HIF3A: variants seen among roughly 807,000 people sequenced by gnomAD.
HIF3A encodes hypoxia-inducible factor 3-alpha.
In HIF3A, 41 loss-of-function variants were observed where a neutral mutation model predicts 67.2. The ratio of observed to expected loss-of-function variants is 0.61; its 90% CI spans 0.48 to 0.79. The LOEUF is 0.79. HIF3A is among the 30% of genes least tolerant of loss of function. HIF3A has a pLI of 0.00. For synonymous variants in HIF3A, 356 were observed against 374.8 expected (o/e 0.95, Z 0.58); for missense variants, 855 against 898.0 (o/e 0.95, Z 0.61).
At chr19:46,308,146 G>A in intron 3 of HIF3A, 75 bp from the exon 4 acceptor site, 1 of 916,462 alleles carries the variant, frequency 1.1e-6, no homozygotes, top group South Asian at 1.3e-5. Context: ...ATGAATTGGA[G>A]CAGGGGAATG....
chr19:46,329,825 G>T (rs193255125), intron 12 of HIF3A, among the ~76,000 whole-genome samples: 1 of 152,018 alleles, frequency 6.6e-6, no homozygotes, highest in Admixed American at 6.6e-5. Context: ...GCCGGGTGTG[G>T]TGGTGCATGC....
chr19:46,298,496 A>C lies in HIF3A; in HGVS notation c.26+1394A>C. 1.6e-6 allele frequency: 2 copies of C among 1,284,190 alleles called. 1 individual carries two copies. The highest frequency in any genetic ancestry group is 2.5e-5 in the South Asian group (2 of 80,392). The allele number at this position is 1,284,190 out of a possible 1,614,324, so 79.5% of individuals were successfully genotyped here. A position where few individuals can be genotyped will look rare whatever the true frequency, so the allele number is the denominator to read the frequency against. ...GCACCCCCTGGATGGCCCTTCAGCC[A>C]ACGGGGGCCTGGGCGATGGTGAGTG... On this transcript the variant is annotated intron_variant, in intron 1 of 14. Transcript: ENST00000377670.
intron 1 of HIF3A, among the ~76,000 whole-genome samples, chr19:46,298,852 C>A (rs536240131): frequency 1.3e-5 from 2 of 152,034 alleles, no homozygotes; most frequent in African/African-American, 2.4e-5. Flanking sequence ...CAACCTAAAC[C>A]CCCACCCACC....
Position 46,304,042 on chromosome 19 carries a change from GCGCCTCACCAT to G in HIF3A, c.173_183del (p.Arg58GlnfsTer70). 3 of 1,587,920 alleles carry G rather than the reference GCGCCTCACCAT, an allele frequency of 1.9e-6. No homozygotes were observed. Among genetic ancestry groups the G allele is most frequent in the South Asian group, 2.3e-5 (2 of 87,356 alleles). On this transcript the variant is annotated frameshift_variant, in exon 2 of 15. Coordinates refer to ENST00000377670, the MANE Select transcript of HIF3A (RefSeq NM_152795.4). LOFTEE classifies it high-confidence loss of function. ...CCCACCTGGACAAGGCCTCTATCAT[GCGCCTCACCAT>G]CAGCTACCTGCGCATGCACCGCCTC... is the stretch of plus-strand genomic sequence containing the variant.
intron 2 of HIF3A, 185 bp downstream of exon 2, chr19:46,304,273 G>A: frequency 1.7e-6 from 1 of 598,476 alleles, no homozygotes; most frequent in South Asian, 2.0e-5. Flanking sequence ...CGCCCCCTTT[G>A]AGTTCCTGGC....
intron 5 of HIF3A, 40 bp from the exon 6 acceptor site, chr19:46,309,111 C>G: frequency 6.4e-7 from 1 of 1,562,968 alleles, no homozygotes; most frequent in Non-Finnish European, 8.8e-7. Context: ...GTCTCAGGCC[C>G]AGAGGCACCA....
chr19:46,339,366 AC>A (rs1213582831), intron 14 of HIF3A, among the ~76,000 whole-genome samples, 158 bp from the exon 15 acceptor site: 1 of 152,072 alleles, frequency 6.6e-6, no homozygotes, highest in Non-Finnish European at 1.5e-5. Flanking sequence ...CCAAAGAGGC[AC>A]CCCTCTGCGC....
rs754032074 is a variant in HIF3A, at chr19:46,320,457, C to CCGGAGTGG, written c.1041_1048dup (p.Val350AlafsTer51). The CCGGAGTGG allele has an allele frequency of 6.2e-7, 1 of 1,614,010 alleles. No homozygotes were observed. The highest frequency in any genetic ancestry group is 1.1e-5 in the South Asian group (1 of 91,072). On this transcript the variant is annotated frameshift_variant, in exon 9 of 15. Transcript: ENST00000377670. LOFTEE classifies it high-confidence loss of function. ...TTGTACCCCAGCCAGGTGGAAGAGA[C>CCGGAGTGG]CGGAGTGGTGCTGTCCCTGGAGCAA...
intron 13 of HIF3A, among the ~76,000 whole-genome samples, chr19:46,332,919 T>A: frequency 6.6e-6 from 1 of 151,398 alleles, no homozygotes; most frequent in Non-Finnish European, 1.5e-5. Flanking sequence ...GAGGCAGAGG[T>A]TGCAGTGAGC....
chr19:46,305,637 A>T (rs1442844142), intron 3 of HIF3A, among the ~76,000 whole-genome samples: 1 of 152,160 alleles, frequency 6.6e-6, no homozygotes, highest in Non-Finnish European at 1.5e-5. Context: ...CTGGAGGAGA[A>T]GATATCTGAG....
Position 46,305,269 on chromosome 19 carries a change from G to A in HIF3A, c.242G>A (p.Gly81Glu). The A allele has an allele frequency of 6.2e-7, 1 of 1,614,060 alleles. No individual in the cohort carries two copies. The highest frequency in any genetic ancestry group is 1.7e-4 in the Middle Eastern group (1 of 6,060). ...AAGEWNQVGA[G>E]GEPLDACYLK... Reference sequence around the variant, plus strand: ...GGGGAGTGGAACCAGGTGGGAGCAGGGGGAGAACCACTGGATGCCTGCTAC... The same window carrying A: ...GGGGAGTGGAACCAGGTGGGAGCAGAGGGAGAACCACTGGATGCCTGCTAC... The change falls in exon 3 of 15, where the codon GGG (glycine) becomes GAG (glutamate). Residue 81 changes from glycine to glutamate, a missense_variant. By Grantham distance (98) the Gly-to-Glu change is moderately conservative. Coordinates refer to ENST00000377670, the MANE Select transcript of HIF3A (RefSeq NM_152795.4).
At position 46,334,326 on chromosome 19, in the gene HIF3A, G is replaced by A. The variant is rs374307709; in HGVS notation, c.1831-579G>A. On this transcript the variant is annotated intron_variant, in intron 13 of 14. Transcript: ENST00000377670. ...AGGCTGGTCTCGAACTCCTGACCTCGAATGATCCACCCATCTCAGCCTCCC... is the reference window on the plus strand; with the variant it reads ...AGGCTGGTCTCGAACTCCTGACCTCAAATGATCCACCCATCTCAGCCTCCC... Among the ~76,000 whole-genome samples the A allele has an allele frequency of 8.7e-5, 13 of 149,100 alleles. No individual in the cohort carries two copies. The East Asian group carries it at 1.6e-3, about 19-fold the overall frequency.
intron 14 of HIF3A, 141 bp downstream of exon 14, chr19:46,335,127 T>C: frequency 3.4e-6 from 2 of 594,292 alleles, no homozygotes; most frequent in South Asian, 5.2e-5. Context: ...TCCTGTCTCT[T>C]CTCTCTTCTC....
At chr19:46,316,811 A>AG (rs964397548) in intron 8 of HIF3A, among the ~76,000 whole-genome samples, 7 of 151,812 alleles carry the variant, frequency 4.6e-5, no homozygotes, top group Non-Finnish European at 1.0e-4. Flanking sequence ...TCAAAAAAAA[A>AG]AAAAAAGAAA....
chr19:46,311,777 C>T (rs1258355173), intron 6 of HIF3A, among the ~76,000 whole-genome samples: 2 of 152,042 alleles, frequency 1.3e-5, no homozygotes, highest in African/African-American at 4.8e-5. Context: ...AGGAGGATTG[C>T]TTGAGCCTGG....
chr19:46,305,408 C>A lies in HIF3A; in HGVS notation c.363+18C>A. 6.2e-7 allele frequency: 1 copy of A among 1,612,208 alleles called. No homozygotes were observed. Among genetic ancestry groups the A allele is most frequent in the Non-Finnish European group, 8.5e-7 (1 of 1,179,204 alleles). The stretch of plus-strand genomic sequence containing the variant: ...TCAGTCAGGTGAGAGGAGCTCCTTG[C>A]TCTGTGCCTGGCCCTGTACTGGTGA... On this transcript the variant is annotated intron_variant, in intron 3 of 14. Transcript: ENST00000377670.
At chr19:46,316,369 G>T (rs1349204170) in intron 8 of HIF3A, among the ~76,000 whole-genome samples, 1 of 152,166 alleles carries the variant, frequency 6.6e-6, no homozygotes, top group Non-Finnish European at 1.5e-5. Context: ...TTTGGGTTTG[G>T]TGTTACTTTT....
rs779383054 is a variant in HIF3A, at chr19:46,325,596, G to A, written c.1397G>A (p.Gly466Glu). The stretch of plus-strand genomic sequence containing the variant: ...AATGTGCACAGACTCTTCACCTCCG[G>A]GAAAGACACTGAGGCAGTGGAGACA... ...TENVHRLFTS[G>E]KDTEAVETDL... The change falls in exon 11 of 15, where the codon GGG (glycine) becomes GAG (glutamate). Residue 466 changes from glycine (G) to glutamate (E), a missense_variant. This residue lies in a region of HIF3A where 638 missense variants were observed against 660.5 expected (regional missense o/e 0.97). Transcript: ENST00000377670. 2 of 1,613,546 alleles carry A rather than the reference G, an allele frequency of 1.2e-6. No individual in the cohort carries two copies. The highest frequency in any genetic ancestry group is 8.5e-7 in the Non-Finnish European group (1 of 1,179,878).
intron 10 of HIF3A, 41 bp downstream of exon 10, chr19:46,322,007 T>C: frequency 6.3e-7 from 1 of 1,594,582 alleles, no homozygotes; most frequent in Non-Finnish European, 8.6e-7. Flanking sequence ...CATCCAGTGC[T>C]CAGTCCCTCA....
Sources: gnomAD v4.1 joint callset for allele counts (sites outside exome capture counted in the v4.1 genomes callset) on GRCh38, gnomAD v4.1.1 for gene constraint, gnomAD v4.1.1 regional missense constraint, MANE v1.5 for transcripts, NCBI Gene and HGNC (gene_info 2026-07-23, HGNC 2026-07-21) for gene names.